Variants in TJP1 observed in about 807,000 individuals in gnomAD.
TJP1 encodes tight junction protein ZO-1.
TJP1 carries 43 observed loss-of-function variants against 194.2 expected under a neutral mutation model. That is an observed-to-expected ratio of 0.22 (90% CI 0.17 to 0.29). The LOEUF is 0.29. Ranked by LOEUF, TJP1 falls within the 10% of genes least tolerant of loss-of-function variation. The pLI is 1.00. For synonymous variants in TJP1, 801 were observed against 779.0 expected, an observed-to-expected ratio of 1.03 and a Z score of -0.47; for missense variants, 1,971 against 2,185.7, an observed-to-expected ratio of 0.90 and a Z score of 1.96.
At chr15:29,844,583 G>A (rs981713224) in intron 2 of TJP1, among the ~76,000 whole-genome samples, 4 of 152,154 alleles carry the variant, frequency 2.6e-5, no homozygotes, top group African/African-American at 9.7e-5. Context: ...TGCATGGTAT[G>A]GAGAAAGCGG....
At chr15:29,731,632 G>T (rs2043667021) in intron 15 of TJP1, among the ~76,000 whole-genome samples, 1 of 152,186 alleles carries the variant, frequency 6.6e-6, no homozygotes, top group African/African-American at 2.4e-5. Flanking sequence ...CAGAGCATCA[G>T]ATGAAGACTT....
chr15:29,959,642 C>T (rs1271417129), intron 1 of TJP1, among the ~76,000 whole-genome samples: 1 of 152,158 alleles, frequency 6.6e-6, no homozygotes, highest in East Asian at 1.9e-4. Context: ...GTGCTCCGGA[C>T]AACTGTAACG....
intron 2 of TJP1, among the ~76,000 whole-genome samples, chr15:29,858,098 G>T (rs947577264): frequency 6.6e-6 from 1 of 152,088 alleles, no homozygotes; most frequent in South Asian, 2.1e-4. Flanking sequence ...CAGTAATTCT[G>T]CCTTCAGGAC....
intron 2 of TJP1, among the ~76,000 whole-genome samples, chr15:29,942,401 T>G (rs2055111736): frequency 6.6e-6 from 1 of 152,168 alleles, no homozygotes; most frequent in African/African-American, 2.4e-5. Context: ...CCTTTGTACT[T>G]ACAACCATTT....
intron 1 of TJP1, among the ~76,000 whole-genome samples, chr15:29,810,825 G>A (rs2049440898): frequency 6.6e-6 from 1 of 152,128 alleles, no homozygotes; most frequent in Admixed American, 6.6e-5. Flanking sequence ...ACGTGCAAGA[G>A]CCTAGTGTAG....
chr15:29,839,688 G>A (rs1453205757), intron 2 of TJP1, among the ~76,000 whole-genome samples: 2 of 152,080 alleles, frequency 1.3e-5, no homozygotes, highest in Admixed American at 6.5e-5. Context: ...TACGAAAACC[G>A]TGAAACTGTT....
intron 1 of TJP1, among the ~76,000 whole-genome samples, chr15:29,964,727 G>A (rs2152325489): frequency 1.3e-5 from 2 of 152,304 alleles, no homozygotes; most frequent in East Asian, 3.9e-4. Flanking sequence ...TCCCCCAAAG[G>A]AAGCCAGCAG....
chr15:29,967,257 A>G (rs1289834197), intron 1 of TJP1, among the ~76,000 whole-genome samples: 2 of 151,890 alleles, frequency 1.3e-5, no homozygotes, highest in Admixed American at 1.3e-4. Context: ...GCTGGTCTTG[A>G]ACTCCAGACC....
chr15:29,843,693 T>C (rs1052274652), intron 2 of TJP1, among the ~76,000 whole-genome samples: 3 of 152,064 alleles, frequency 2.0e-5, no homozygotes, highest in Non-Finnish European at 4.4e-5. Context: ...AAATGTTCAA[T>C]GGTAGTAAGT....
At chr15:29,950,173 T>TCCACCACCACCACCACC (rs2055674073) in intron 2 of TJP1, among the ~76,000 whole-genome samples, 1 of 16,746 alleles carries the variant, frequency 6.0e-5, no homozygotes, top group Non-Finnish European at 1.4e-4. Context: ...CCACAACCAC[T>TCCACCACCACCACCACC]ACCTCCACCT....
intron 2 of TJP1, among the ~76,000 whole-genome samples, chr15:29,914,159 CTT>C (rs1329572103): frequency 2.0e-5 from 3 of 152,108 alleles, no homozygotes; most frequent in Non-Finnish European, 4.4e-5. Context: ...TTTCATATGA[CTT>C]GAGGATTTTT....
Position 29,886,453 on chromosome 15 carries a change from T to C in TJP1, c.306+69779A>G, listed in dbSNP as rs144680986. The stretch of plus-strand genomic sequence containing the variant: ...AAATGGTAAACAATTACATTTAATT[T>C]ACAGCTGAGGGTCCCTGTAGTCACA... On this transcript the variant is annotated intron_variant, in intron 2 of 28. Transcript: ENST00000356107. Among the ~76,000 whole-genome samples, 335 of 151,838 alleles carry C rather than the reference T, an allele frequency of 2.2e-3. 2 individuals are homozygous for C. The highest frequency in any genetic ancestry group is 7.8e-3 in the African/African-American group (321 of 41,290).
chr15:29,782,840 GA>G (rs2047449212), intron 2 of TJP1, among the ~76,000 whole-genome samples: 1 of 15,762 alleles, frequency 6.3e-5, no homozygotes, highest in African/African-American at 1.9e-4. Flanking sequence ...AATTTTACAA[GA>G]AAAAAAACAA....
At chr15:29,802,415 T>C (rs2048847054) in intron 1 of TJP1, among the ~76,000 whole-genome samples, 1 of 152,100 alleles carries the variant, frequency 6.6e-6, no homozygotes, top group Non-Finnish European at 1.5e-5. Context: ...AGCAACTAGA[T>C]TATCCTGCCA....
chr15:29,720,745 G>A, intron 18 of TJP1, 37 bp from the exon 19 acceptor site: 1 of 1,504,194 alleles, frequency 6.6e-7, no homozygotes, highest in Non-Finnish European at 9.0e-7. Context: ...ATTTTATTCA[G>A]TAGTTCTTTA....
At chr15:29,950,062 C>A (rs796899792) in intron 2 of TJP1, among the ~76,000 whole-genome samples, 50 of 33,284 alleles carry the variant, frequency 1.5e-3, no homozygotes, top group Non-Finnish European at 2.1e-3. Context: ...CCACCTCCAC[C>A]ACCACCACCT....
intron 26 of TJP1, 148 bp downstream of exon 26, chr15:29,705,380 G>T (rs759015952): frequency 3.5e-5 from 27 of 774,106 alleles, no homozygotes; most frequent in Non-Finnish European, 5.1e-5. Flanking sequence ...CTGCTTGCTT[G>T]CAACACCGTC....
intron 2 of TJP1, among the ~76,000 whole-genome samples, chr15:29,849,060 CAA>C (rs1184173955): frequency 6.6e-6 from 1 of 151,466 alleles, no homozygotes; most frequent in Non-Finnish European, 1.5e-5. Flanking sequence ...ATCTTATAAA[CAA>C]GAGAAAAAAA....
At chr15:29,936,523 G>A (rs946702403) in intron 2 of TJP1, among the ~76,000 whole-genome samples, 4 of 152,104 alleles carry the variant, frequency 2.6e-5, no homozygotes, top group South Asian at 2.1e-4. Flanking sequence ...GCCACCCGCC[G>A]GCTCTCCAAA....
Sources: allele counts gnomAD v4.1 joint callset (sites outside exome capture counted in the v4.1 genomes callset), GRCh38; gene constraint gnomAD v4.1.1; transcripts MANE v1.5; gene names NCBI Gene and HGNC (gene_info 2026-07-23, HGNC 2026-07-21).